Variants in CSTF3 observed in about 807,000 individuals in gnomAD.
CSTF3 encodes cleavage stimulation factor subunit 3.
Under a neutral mutation model 105.8 loss-of-function variants are expected in CSTF3, and 29 were observed. The ratio of observed to expected loss-of-function variants is 0.27; its 90% CI spans 0.20 to 0.37. The LOEUF (loss-of-function observed/expected upper bound fraction) is 0.37, where lower values mean the gene tolerates loss of function less well. Ranked by LOEUF, CSTF3 falls within the 10% of genes least tolerant of loss-of-function variation. CSTF3 has a pLI of 1.00. For missense variants in CSTF3, 357 were observed against 879.3 expected, an observed-to-expected ratio of 0.41 and a Z score of 7.51; for synonymous variants, 252 against 281.9, an observed-to-expected ratio of 0.89 and a Z score of 1.06.
At chr11:33,128,806 A>G (rs556290551) in intron 3 of CSTF3, among the ~76,000 whole-genome samples, 24 of 152,314 alleles carry the variant, frequency 1.6e-4, no homozygotes, top group Admixed American at 1.2e-3. Context: ...TAAATCATCA[A>G]GCTAAAATTG....
At chr11:33,154,946 T>A (rs1327862209) in intron 1 of CSTF3, among the ~76,000 whole-genome samples, 1 of 152,108 alleles carries the variant, frequency 6.6e-6, no homozygotes. Context: ...AACCAAACCC[T>A]ACTTCATGTT....
intron 10 of CSTF3, among the ~76,000 whole-genome samples, chr11:33,100,163 T>C (rs186285183): frequency 6.6e-6 from 1 of 151,890 alleles, no homozygotes; most frequent in African/African-American, 2.4e-5. Flanking sequence ...GAGACCATCC[T>C]GGCTAACATG....
chr11:33,099,707 A>G lies in CSTF3; in HGVS notation c.837T>C (p.Ala279=), dbSNP rs531919563. ...CCAGCACAAGCAGGCACTGTTCATA[A>G]GCAAACATAACTAAGGGAAGAAATT... ...QTLITKRVMF[A]YEQCLLVLGH... Residue 279 remains alanine (A), a synonymous_variant, in exon 11 of 21, where the codon GCT becomes GCC. Coordinates refer to ENST00000323959, the MANE Select transcript of CSTF3 (RefSeq NM_001326.3). The surrounding 1 kb of genome is among the most constrained non-coding windows in gnomAD (Gnocchi z 4.1). The G allele has an allele frequency of 6.3e-7, 1 of 1,590,990 alleles. No individual in the cohort carries two copies. Among genetic ancestry groups the G allele is most frequent in the Admixed American group, 1.8e-5 (1 of 55,742 alleles).
chr11:33,157,070 A>G (rs1221489679), intron 1 of CSTF3, among the ~76,000 whole-genome samples: 2 of 151,858 alleles, frequency 1.3e-5, no homozygotes, highest in Non-Finnish European at 2.9e-5. Flanking sequence ...CAAACACCAC[A>G]GGCTGGGCGC....
At chr11:33,143,702 T>C (rs577836701) in intron 1 of CSTF3, among the ~76,000 whole-genome samples, 37 of 152,158 alleles carry the variant, frequency 2.4e-4, no homozygotes, top group African/African-American at 7.0e-4. Context: ...GTGAGTGAGA[T>C]TGCGCCACTG....
At chr11:33,157,103 A>T (rs2133811290) in intron 1 of CSTF3, among the ~76,000 whole-genome samples, 1 of 152,260 alleles carries the variant, frequency 6.6e-6, no homozygotes, top group Non-Finnish European at 1.5e-5. Flanking sequence ...CTGTAATCCC[A>T]GCACTTTGGG....
At chr11:33,144,881 C>T (rs763179783) in intron 1 of CSTF3, 30 of 249,936 alleles carry the variant, frequency 1.2e-4, no homozygotes, top group South Asian at 5.5e-4. Flanking sequence ...TGGGAAGCTG[C>T]GGTGGGATCG....
chr11:33,107,426 A>C (rs948628463), intron 5 of CSTF3, among the ~76,000 whole-genome samples: 1 of 152,224 alleles, frequency 6.6e-6, no homozygotes, highest in Non-Finnish European at 1.5e-5. Context: ...ATGGCACCTC[A>C]GAAGAAGGTC....
At chr11:33,145,457 T>TA (rs1025688127) in intron 1 of CSTF3, among the ~76,000 whole-genome samples, 21 of 150,994 alleles carry the variant, frequency 1.4e-4, no homozygotes, top group Admixed American at 5.3e-4. Flanking sequence ...AATTTAAAAA[T>TA]AAAAAAAAGG....
At chr11:33,153,315 T>C (rs966547840) in intron 1 of CSTF3, among the ~76,000 whole-genome samples, 1 of 152,180 alleles carries the variant, frequency 6.6e-6, no homozygotes, top group Non-Finnish European at 1.5e-5. Flanking sequence ...TTACATACAA[T>C]TGTGGATAGG....
chr11:33,150,630 G>A (rs1325493239), intron 1 of CSTF3, among the ~76,000 whole-genome samples: 5 of 152,220 alleles, frequency 3.3e-5, no homozygotes, highest in African/African-American at 9.6e-5. Context: ...GCTGAGGCAG[G>A]TGGATCACTT....
chr11:33,160,008 CT>C (rs1849918933), intron 1 of CSTF3, among the ~76,000 whole-genome samples: 1 of 151,990 alleles, frequency 6.6e-6, no homozygotes, highest in South Asian at 2.1e-4. Flanking sequence ...ATTTCCGTGT[CT>C]TTGTAATTTT....
rs543346463 is a variant in CSTF3, at chr11:33,160,307, A to AT, written c.27+991dup. Among the ~76,000 whole-genome samples, 66 of 152,244 alleles carry AT rather than the reference A, an allele frequency of 4.3e-4. 1 individual carries two copies. The East Asian group carries it at 9.6e-3, about 22-fold the overall frequency. ...ACAGACTATGCAATAGAACGCTCCT[A>AT]TTTTGCCTCATCTCTGCCAACCTCC... On this transcript the variant is annotated intron_variant, in intron 1 of 20. Transcript: ENST00000323959.
intron 10 of CSTF3, among the ~76,000 whole-genome samples, chr11:33,100,389 G>C (rs1855269839): frequency 1.3e-5 from 2 of 151,280 alleles, no homozygotes; most frequent in Admixed American, 1.3e-4. Context: ...TAGAGACGGG[G>C]TTTCACCATG....
chr11:33,103,822 C>A (rs569215299), intron 8 of CSTF3, among the ~76,000 whole-genome samples: 80 of 152,096 alleles, frequency 5.3e-4, no homozygotes, highest in Non-Finnish European at 9.6e-4. Context: ...CATGGCTTGA[C>A]TTTGATAGCC....
At chr11:33,155,708 A>G (rs1849856981) in intron 1 of CSTF3, among the ~76,000 whole-genome samples, 1 of 152,142 alleles carries the variant, frequency 6.6e-6, no homozygotes, top group Non-Finnish European at 1.5e-5. Flanking sequence ...ACAACTGCCA[A>G]CTCAAATCCC....
intron 1 of CSTF3, chr11:33,145,027 T>A (rs2133801730): frequency 6.6e-6 from 1 of 151,358 alleles, no homozygotes; most frequent in South Asian, 2.0e-4. Flanking sequence ...AGTTAAAATT[T>A]GCGCATGAGA....
At chr11:33,093,222 A>AT (rs562116879) in intron 15 of CSTF3, among the ~76,000 whole-genome samples, 136 of 152,284 alleles carry the variant, frequency 8.9e-4, no homozygotes, top group African/African-American at 3.0e-3. Context: ...AGATGGCGCT[A>AT]TTTTTTTGGC....
intron 3 of CSTF3, among the ~76,000 whole-genome samples, chr11:33,140,401 TACAAACAC>T (rs1417162389): frequency 6.6e-6 from 1 of 151,920 alleles, no homozygotes; most frequent in African/African-American, 2.4e-5. Context: ...CTCTCATACA[TACAAACAC>T]ACAAACATAC....
Sources: allele counts gnomAD v4.1 joint callset (sites outside exome capture counted in the v4.1 genomes callset), GRCh38; gene constraint gnomAD v4.1.1; non-coding constraint Gnocchi (gnomAD v3.1); transcripts MANE v1.5; gene names NCBI Gene and HGNC (gene_info 2026-07-23, HGNC 2026-07-21).